Variants in C10orf90 observed in about 807,000 individuals in gnomAD.
C10orf90 encodes (E2-independent) E3 ubiquitin-conjugating enzyme FATS.
A neutral mutation model predicts 62.5 loss-of-function variants in C10orf90; 56 were observed. That is an observed-to-expected ratio of 0.90 (90% CI 0.72 to 1.12). The LOEUF is 1.12. Among genes scored for constraint, C10orf90 ranks in the 50% most tolerant of loss-of-function variants. The probability of loss-of-function intolerance (pLI) is 0.00; values close to 1 mark genes in which losing one functional copy is unlikely to be tolerated. For synonymous variants in C10orf90, 386 were observed against 340.4 expected (o/e 1.13, Z -1.47); for missense variants, 970 against 880.4 (o/e 1.10, Z -1.29).
chr10:126,592,942 C>T (rs1845010024), intron 2 of C10orf90, among the ~76,000 whole-genome samples: 1 of 152,176 alleles, frequency 6.6e-6, no homozygotes, highest in African/African-American at 2.4e-5. Flanking sequence ...AAAAAAAGCT[C>T]AACTTCACTG....
chr10:126,585,571 G>A (rs1844854203), intron 2 of C10orf90, among the ~76,000 whole-genome samples: 2 of 149,622 alleles, frequency 1.3e-5, no homozygotes, highest in Non-Finnish European at 3.0e-5. Flanking sequence ...AGGAGAAAGA[G>A]AGGAAGGAAG....
intron 2 of C10orf90, among the ~76,000 whole-genome samples, chr10:126,588,134 C>A (rs1554921698): frequency 1.3e-5 from 2 of 152,240 alleles, no homozygotes; most frequent in Non-Finnish European, 1.5e-5. Context: ...TCTGTGGTTG[C>A]AGTTGGCTGT....
intron 5 of C10orf90, 133 bp downstream of exon 5, chr10:126,464,563 G>A (rs894741493): frequency 1.1e-5 from 11 of 1,029,598 alleles, no homozygotes; most frequent in Non-Finnish European, 1.4e-5. Flanking sequence ...TCCCCTCTCT[G>A]CTCTCCCAGT....
intron 2 of C10orf90, among the ~76,000 whole-genome samples, chr10:126,617,381 A>G (rs1845562232): frequency 6.6e-6 from 1 of 152,180 alleles, no homozygotes; most frequent in Admixed American, 6.5e-5. Flanking sequence ...CATGTGTCCC[A>G]CAGCAAGATG....
At chr10:126,557,858 G>A (rs150892063) in intron 2 of C10orf90, among the ~76,000 whole-genome samples, 1 of 151,974 alleles carries the variant, frequency 6.6e-6, no homozygotes, top group East Asian at 1.9e-4. Flanking sequence ...TGACCATCGA[G>A]ATGAGTTGGG....
intron 2 of C10orf90, among the ~76,000 whole-genome samples, chr10:126,626,303 G>T (rs991330469): frequency 1.3e-5 from 2 of 152,160 alleles, no homozygotes; most frequent in Admixed American, 1.3e-4. Context: ...AACAGACAGG[G>T]AGGGGTTCTT....
intron 2 of C10orf90, among the ~76,000 whole-genome samples, chr10:126,523,246 G>T (rs1199233255): frequency 6.6e-6 from 1 of 152,110 alleles, no homozygotes; most frequent in African/African-American, 2.4e-5. Context: ...TGGAGTGTGG[G>T]TCTCTCCTGG....
intron 2 of C10orf90, among the ~76,000 whole-genome samples, chr10:126,594,896 C>A (rs919414424): frequency 6.6e-6 from 1 of 152,096 alleles, no homozygotes; most frequent in Non-Finnish European, 1.5e-5. Flanking sequence ...TATTGGCATG[C>A]CCGTGGGTCT....
intron 1 of C10orf90, among the ~76,000 whole-genome samples, chr10:126,660,343 A>G (rs1282811180): frequency 6.6e-6 from 1 of 152,252 alleles, no homozygotes; most frequent in East Asian, 1.9e-4. Flanking sequence ...TAGTCAGGTG[A>G]GCCTTTTATA....
At chr10:126,606,349 C>T (rs952033077) in intron 2 of C10orf90, among the ~76,000 whole-genome samples, 2 of 152,076 alleles carry the variant, frequency 1.3e-5, no homozygotes, top group Admixed American at 1.3e-4. Context: ...GGCTCATTGC[C>T]CTGACACCAT....
chr10:126,557,234 C>T (rs936731663), intron 2 of C10orf90, among the ~76,000 whole-genome samples: 19 of 151,980 alleles, frequency 1.3e-4, no homozygotes, highest in Non-Finnish European at 2.1e-4. Flanking sequence ...GTAAGCCCAG[C>T]ACTTTGGGAG....
At chr10:126,509,259 C>T (rs1338695644) in intron 3 of C10orf90, among the ~76,000 whole-genome samples, 1 of 152,194 alleles carries the variant, frequency 6.6e-6, no homozygotes, top group Admixed American at 6.5e-5. Flanking sequence ...TCCTGAGGCA[C>T]AGATACTGAC....
chr10:126,565,417 T>TATATATATATTATATAATA (rs1844358012), intron 2 of C10orf90, among the ~76,000 whole-genome samples: 1 of 15,396 alleles, frequency 6.5e-5, no homozygotes, highest in Non-Finnish European at 1.7e-4. Context: ...TAATATATAT[T>TATATATATATTATATAATA]ATATATATTA....
At chr10:126,549,982 GTCTC>G (rs1444266725) in intron 2 of C10orf90, among the ~76,000 whole-genome samples, 1 of 142,540 alleles carries the variant, frequency 7.0e-6, no homozygotes, top group Admixed American at 7.2e-5. Flanking sequence ...TTTTGAGACA[GTCTC>G]TCTCTGTTAC....
At chr10:126,558,590 T>C (rs772795496) in intron 2 of C10orf90, among the ~76,000 whole-genome samples, 3 of 152,236 alleles carry the variant, frequency 2.0e-5, no homozygotes, top group Non-Finnish European at 2.9e-5. Context: ...ACAGCTCAGC[T>C]GAGCTGAGAA....
intron 7 of C10orf90, among the ~76,000 whole-genome samples, chr10:126,446,812 C>A (rs1288671009): frequency 6.7e-6 from 1 of 149,544 alleles, no homozygotes; most frequent in Non-Finnish European, 1.5e-5. Flanking sequence ...ATTTAAAACA[C>A]CTACAGCTAC....
chr10:126,555,680 GTAAATAAATAAATAAA>G (rs71032506), intron 2 of C10orf90, among the ~76,000 whole-genome samples: 1,464 of 136,458 alleles, frequency 0.011, 25 homozygotes, highest in African/African-American at 0.038. Context: ...CTCTATCTCA[GTAAATAAATAAATAAA>G]TAAATAAATA....
intron 2 of C10orf90, chr10:126,520,549 C>G (rs1373359108): frequency 6.6e-6 from 1 of 152,288 alleles, no homozygotes; most frequent in Non-Finnish European, 1.5e-5. Flanking sequence ...AAGATCGCTT[C>G]TCTTAGAAGG....
intron 2 of C10orf90, among the ~76,000 whole-genome samples, chr10:126,599,183 T>C (rs1468338430): frequency 8.7e-6 from 1 of 114,862 alleles, no homozygotes. Context: ...GTTCCACTCC[T>C]TTTTTTTTTT....
Sources: gnomAD v4.1 joint callset for allele counts (sites outside exome capture counted in the v4.1 genomes callset) on GRCh38, gnomAD v4.1.1 for gene constraint, MANE v1.5 for transcripts, NCBI Gene and HGNC (gene_info 2026-07-23, HGNC 2026-07-21) for gene names.